The following EGFLAM variants were observed in gnomAD, a reference collection of about 807,000 sequenced individuals.
EGFLAM encodes pikachurin.
EGFLAM carries 79 observed loss-of-function variants against 113.1 expected under a neutral mutation model. That is an observed-to-expected ratio of 0.70 (90% CI 0.58 to 0.84). EGFLAM has a LOEUF of 0.84. Ranked by LOEUF, EGFLAM falls within the 40% of genes least tolerant of loss-of-function variation. The pLI, the probability that EGFLAM is intolerant of heterozygous loss-of-function variation, is 0.00. For synonymous variants in EGFLAM, 504 were observed against 487.6 expected, an observed-to-expected ratio of 1.03 and a Z score of -0.44; for missense variants, 1,265 against 1,291.6, an observed-to-expected ratio of 0.98 and a Z score of 0.32.
chr5:38,284,058 TC>T (rs527839864), intron 1 of EGFLAM: 97 of 152,386 alleles, frequency 6.4e-4, no homozygotes, highest in African/African-American at 2.2e-3. Context: ...GTGTCAAAAC[TC>T]CCGTCTGGAA....
At chr5:38,308,712 T>G (rs1376252860) in intron 1 of EGFLAM, among the ~76,000 whole-genome samples, 1 of 152,126 alleles carries the variant, frequency 6.6e-6, no homozygotes, top group African/African-American at 2.4e-5. Context: ...GGGAAAGAGA[T>G]AGAGGTCAGA....
chr5:38,316,083 A>T (rs1033619137), intron 1 of EGFLAM, among the ~76,000 whole-genome samples: 2 of 151,880 alleles, frequency 1.3e-5, no homozygotes, highest in Non-Finnish European at 2.9e-5. Flanking sequence ...TCCCAAAAAA[A>T]AAAAAAAAAT....
intron 6 of EGFLAM, among the ~76,000 whole-genome samples, chr5:38,373,242 A>G (rs993266967): frequency 6.6e-6 from 1 of 152,184 alleles, no homozygotes; most frequent in Admixed American, 6.6e-5. Flanking sequence ...TTTAAAAGGT[A>G]ATGTATTTTT....
chr5:38,431,634 G>A (rs1561089421), intron 15 of EGFLAM, among the ~76,000 whole-genome samples: 1 of 152,088 alleles, frequency 6.6e-6, no homozygotes, highest in Non-Finnish European at 1.5e-5. Context: ...TCTGGGGTAG[G>A]GCCTGTGGTG....
intron 18 of EGFLAM, 145 bp downstream of exon 18, chr5:38,448,524 C>A: frequency 2.6e-6 from 2 of 762,852 alleles, no homozygotes; most frequent in Non-Finnish European, 4.3e-6. Context: ...AAAACACACA[C>A]AACAAGAAAT....
At chr5:38,273,555 C>T (rs1379502065) in intron 1 of EGFLAM, among the ~76,000 whole-genome samples, 2 of 152,240 alleles carry the variant, frequency 1.3e-5, no homozygotes, top group Non-Finnish European at 2.9e-5. Context: ...GAGATTCTAG[C>T]CCGTGCTGTG....
rs1741302789 is a variant in EGFLAM, at chr5:38,406,875, G to A, written c.876G>A (p.Val292=). The A allele has an allele frequency of 1.2e-6, 2 of 1,614,082 alleles. No individual in the cohort carries two copies. The highest frequency in any genetic ancestry group is 1.3e-5 in the African/African-American group (1 of 75,026). ...AAGGAGGGAATAAGAAATTTTTGGT[G>A]GAAAGCAAGAAGATGTCTATATCTA... ...ATKGGNKKFL[V]ESKKMSISNP... Residue 292 remains valine (V), a synonymous_variant, in exon 8 of 22, where the codon GTG becomes GTA. Transcript: ENST00000322350.
intron 14 of EGFLAM, among the ~76,000 whole-genome samples, chr5:38,429,635 T>A (rs1369537899): frequency 6.6e-6 from 1 of 152,236 alleles, no homozygotes; most frequent in African/African-American, 2.4e-5. Context: ...ATAATTGAAC[T>A]TTTAATGTAA....
At chr5:38,440,520 G>C (rs1286168928) in intron 17 of EGFLAM, among the ~76,000 whole-genome samples, 2 of 152,206 alleles carry the variant, frequency 1.3e-5, no homozygotes. Context: ...AAAAGGAAAA[G>C]AGATGGGCGA....
At chr5:38,428,286 G>A (rs1742080923) in intron 14 of EGFLAM, among the ~76,000 whole-genome samples, 1 of 152,170 alleles carries the variant, frequency 6.6e-6, no homozygotes, top group Non-Finnish European at 1.5e-5. Context: ...CTTAACTACT[G>A]ATCATTTTTC....
chr5:38,425,569 G>A (rs1741978651), intron 13 of EGFLAM, among the ~76,000 whole-genome samples: 2 of 152,160 alleles, frequency 1.3e-5, no homozygotes, highest in Non-Finnish European at 2.9e-5. Flanking sequence ...AACAAGGTTG[G>A]AGTGTCTCTG....
At chr5:38,278,614 G>A (rs560339191) in intron 1 of EGFLAM, among the ~76,000 whole-genome samples, 29 of 151,760 alleles carry the variant, frequency 1.9e-4, no homozygotes, top group Non-Finnish European at 3.4e-4. Context: ...TCAGCCTCCC[G>A]AGTAGCTGGG....
intron 1 of EGFLAM, among the ~76,000 whole-genome samples, chr5:38,296,500 C>A (rs1442742261): frequency 6.6e-6 from 1 of 151,946 alleles, no homozygotes; most frequent in Non-Finnish European, 1.5e-5. Context: ...AGAATTCCAA[C>A]TAATAAACAT....
chr5:38,427,050 T>C lies in EGFLAM; in HGVS notation c.1852T>C (p.Ser618Pro). The C allele has an allele frequency of 6.2e-7, 1 of 1,614,084 alleles. No individual in the cohort carries two copies. The highest frequency in any genetic ancestry group is 1.7e-5 in the Admixed American group (1 of 60,008). ...TCCTCAGTTCAGAGAGTCTCTGAGA[T>C]CTTACGCTGCAACTCCCTGGCCACT... ...TIPQFRESLR[S>P]YAATPWPLEP... Residue 618 changes from serine to proline, a missense_variant, in exon 14 of 22, where the codon TCT becomes CCT. Transcript: ENST00000322350.
chr5:38,403,992 C>T, intron 6 of EGFLAM: 7 of 1,601,500 alleles, frequency 4.4e-6, no homozygotes, highest in Non-Finnish European at 6.0e-6. Context: ...CACCGCCTCC[C>T]CTTTGTTATC....
At chr5:38,416,213 T>C (rs1413166392) in intron 11 of EGFLAM, among the ~76,000 whole-genome samples, 1 of 152,200 alleles carries the variant, frequency 6.6e-6, no homozygotes, top group African/African-American at 2.4e-5. Flanking sequence ...ACACTGATTC[T>C]ATCTGAAGTG....
chr5:38,380,294 T>C (rs928818678), intron 6 of EGFLAM, among the ~76,000 whole-genome samples: 37 of 152,240 alleles, frequency 2.4e-4, no homozygotes, highest in African/African-American at 8.7e-4. Context: ...TGTCAAGCTT[T>C]TAAGGAATCA....
intron 17 of EGFLAM, chr5:38,445,425 C>T (rs1742673936): frequency 5.2e-6 from 7 of 1,337,322 alleles, no homozygotes; most frequent in Middle Eastern, 2.7e-4. Flanking sequence ...TCCACCGCCA[C>T]GCCCACCTTC....
intron 1 of EGFLAM, among the ~76,000 whole-genome samples, chr5:38,329,687 T>C (rs1738991250): frequency 1.3e-5 from 2 of 152,212 alleles, no homozygotes; most frequent in African/African-American, 4.8e-5. Flanking sequence ...GAGTATATGC[T>C]GCTCTCTCTG....
Sources: allele counts gnomAD v4.1 joint callset (sites outside exome capture counted in the v4.1 genomes callset), GRCh38; gene constraint gnomAD v4.1.1; transcripts MANE v1.5; gene names NCBI Gene and HGNC (gene_info 2026-07-23, HGNC 2026-07-21).